Variants in SDK1 observed in about 807,000 individuals in gnomAD.
SDK1 encodes sidekick cell adhesion molecule 1.
Under a neutral mutation model 245.5 loss-of-function variants are expected in SDK1, and 157 were observed. That is an observed-to-expected ratio of 0.64 (90% confidence interval 0.56 to 0.73). The LOEUF is 0.73. Among genes scored for constraint, SDK1 ranks in the 30% least tolerant of loss-of-function variants. The pLI, the probability that SDK1 is intolerant of heterozygous loss-of-function variation, is 0.00. For missense variants in SDK1, 3,583 were observed against 3,002.3 expected (o/e 1.19, Z -4.52); for synonymous variants, 1,647 against 1,278.5 (o/e 1.29, Z -6.15).
At chr7:3,566,809 A>G (rs1236846816) in intron 1 of SDK1, among the ~76,000 whole-genome samples, 2 of 152,192 alleles carry the variant, frequency 1.3e-5, no homozygotes, top group African/African-American at 4.8e-5. Context: ...GCAAAAGGCT[A>G]ACCAGCATAG....
At chr7:3,304,741 C>A (rs1442268208) in intron 1 of SDK1, among the ~76,000 whole-genome samples, 1 of 152,174 alleles carries the variant, frequency 6.6e-6, no homozygotes, top group Non-Finnish European at 1.5e-5. Context: ...TCACTTATTA[C>A]CTTGTGTTTC....
intron 4 of SDK1, among the ~76,000 whole-genome samples, chr7:3,687,729 G>C (rs1232823431): frequency 6.6e-6 from 1 of 152,200 alleles, no homozygotes; most frequent in Admixed American, 6.5e-5. Flanking sequence ...GCAGCGGAGA[G>C]AGGATAGAGC....
At chr7:3,482,714 T>C (rs2128602610) in intron 1 of SDK1, among the ~76,000 whole-genome samples, 1 of 152,286 alleles carries the variant, frequency 6.6e-6, no homozygotes. Context: ...CCCAGGCAAC[T>C]GGCAAAAACA....
intron 5 of SDK1, among the ~76,000 whole-genome samples, chr7:3,829,453 A>G (rs1224871313): frequency 6.6e-6 from 1 of 152,216 alleles, no homozygotes; most frequent in Non-Finnish European, 1.5e-5. Context: ...GTTAACAATC[A>G]ACTCTGTTTC....
intron 1 of SDK1, among the ~76,000 whole-genome samples, chr7:3,355,816 AC>A (rs1216588437): frequency 2.6e-5 from 4 of 152,164 alleles, no homozygotes; most frequent in Non-Finnish European, 5.9e-5. Context: ...CTATATTCTT[AC>A]CTTCAGATGT....
At chr7:3,589,700 G>C (rs1780800460) in intron 1 of SDK1, among the ~76,000 whole-genome samples, 1 of 152,082 alleles carries the variant, frequency 6.6e-6, no homozygotes. Flanking sequence ...TCAGATCTTT[G>C]AGGACTCACT....
chr7:3,918,892 G>T (rs908862390), intron 5 of SDK1, among the ~76,000 whole-genome samples: 2 of 151,948 alleles, frequency 1.3e-5, no homozygotes, highest in African/African-American at 4.8e-5. Context: ...GGACATATTC[G>T]TGCCACTTGC....
chr7:3,942,992 C>G (rs941251067), intron 5 of SDK1, among the ~76,000 whole-genome samples: 4 of 152,160 alleles, frequency 2.6e-5, no homozygotes, highest in Admixed American at 6.5e-5. Context: ...GCAGCCTGGC[C>G]ACGTGCGGGG....
intron 44 of SDK1, among the ~76,000 whole-genome samples, chr7:4,252,077 G>A (rs530864672): frequency 2.6e-5 from 4 of 151,642 alleles, no homozygotes; most frequent in Non-Finnish European, 4.4e-5. Context: ...TTTATTATAC[G>A]TTAAGTTTTA....
intron 1 of SDK1, among the ~76,000 whole-genome samples, chr7:3,527,806 G>C (rs369328199): frequency 1.8e-4 from 27 of 151,774 alleles, no homozygotes; most frequent in Admixed American, 1.8e-3. Context: ...GAGGGTGAAT[G>C]TTAGGAGGTA....
In SDK1 at chr7:4,026,814, A is replaced by G. The variant is rs1787381796; in HGVS notation, c.2602+9462A>G. On this transcript the variant is annotated intron_variant, in intron 17 of 44. Coordinates refer to ENST00000404826, the MANE Select transcript of SDK1 (RefSeq NM_152744.4). This position sits in a 1 kb window ranked among gnomAD's most constrained non-coding sequence, Gnocchi z 4.1. ...ATAACAATCTGGAATTAACGATAAC[A>G]CCCGGCACACAAACGGCAATATGTA... is the stretch of plus-strand genomic sequence containing the variant. 6.6e-6 allele frequency among the ~76,000 whole-genome samples: 1 copy of G among 152,082 alleles called. No homozygotes were observed.
chr7:3,536,687 C>G (rs373528547), intron 1 of SDK1, among the ~76,000 whole-genome samples: 2 of 150,558 alleles, frequency 1.3e-5, no homozygotes, highest in African/African-American at 2.5e-5. Flanking sequence ...GAGTGGGACT[C>G]TGTCTCAAAA....
chr7:3,378,939 G>A (rs945601046), intron 1 of SDK1, among the ~76,000 whole-genome samples: 1 of 151,944 alleles, frequency 6.6e-6, no homozygotes, highest in African/African-American at 2.4e-5. Flanking sequence ...CCCCTTCCCC[G>A]GAGCAGACCC....
Position 3,490,511 on chromosome 7 carries a change from C to A in SDK1, c.299-128569C>A, listed in dbSNP as rs182076617. ...CATTTTAAAGATTACCATTCGTTTTCTTCTGATATTTCTTTAAACATCTTA... is the reference window on the plus strand; with the variant it reads ...CATTTTAAAGATTACCATTCGTTTTATTCTGATATTTCTTTAAACATCTTA... On this transcript the variant is annotated intron_variant, in intron 1 of 44. Coordinates refer to ENST00000404826, the MANE Select transcript of SDK1 (RefSeq NM_152744.4). Among the ~76,000 whole-genome samples the A allele has an allele frequency of 5.8e-4, 89 of 152,282 alleles. 1 individual carries two copies. Among genetic ancestry groups the A allele is most frequent in the African/African-American group, 1.9e-3 (80 of 41,552 alleles).
intron 17 of SDK1, among the ~76,000 whole-genome samples, chr7:4,021,460 T>A (rs1450549133): frequency 6.6e-6 from 1 of 152,178 alleles, no homozygotes; most frequent in East Asian, 1.9e-4. Flanking sequence ...TTAAACAAGA[T>A]AGAGCTGTGT....
chr7:3,433,688 A>T (rs1391663418), intron 1 of SDK1, among the ~76,000 whole-genome samples: 1 of 152,208 alleles, frequency 6.6e-6, no homozygotes, highest in Non-Finnish European at 1.5e-5. Context: ...CATGTTGGAA[A>T]TCTTTTTGTC....
intron 1 of SDK1, among the ~76,000 whole-genome samples, chr7:3,446,881 T>G (rs1780358177): frequency 6.6e-6 from 1 of 152,180 alleles, no homozygotes; most frequent in Non-Finnish European, 1.5e-5. Context: ...CACAGTCTTT[T>G]TCAGTTGTTG....
intron 28 of SDK1, among the ~76,000 whole-genome samples, chr7:4,144,800 G>C (rs947911499): frequency 6.6e-6 from 1 of 152,168 alleles, no homozygotes; most frequent in African/African-American, 2.4e-5. Flanking sequence ...TGATGAGACC[G>C]GAGCGCGGCT....
chr7:3,736,227 C>T (rs543291620), intron 4 of SDK1, among the ~76,000 whole-genome samples: 3 of 152,124 alleles, frequency 2.0e-5, no homozygotes, highest in African/African-American at 4.8e-5. Flanking sequence ...TATTCTCACA[C>T]TTAATATATA....
Sources: gnomAD v4.1 joint callset for allele counts (sites outside exome capture counted in the v4.1 genomes callset) on GRCh38, gnomAD v4.1.1 for gene constraint, Gnocchi (gnomAD v3.1) non-coding constraint, MANE v1.5 for transcripts, NCBI Gene and HGNC (gene_info 2026-07-23, HGNC 2026-07-21) for gene names.